The following TCERG1L variants were observed in gnomAD, a reference collection of about 807,000 sequenced individuals.
TCERG1L encodes transcription elongation regulator 1 like, also known as transcription elongation regulator 1-like protein.
Under a neutral mutation model 56.3 loss-of-function variants are expected in TCERG1L, and 37 were observed. The observed-to-expected ratio is 0.66, with a 90% confidence interval of 0.51 to 0.87. The LOEUF (loss-of-function observed/expected upper bound fraction) is 0.87, where lower values mean the gene tolerates loss of function less well. TCERG1L is among the 40% of genes least tolerant of loss of function. The pLI, the probability that TCERG1L is intolerant of heterozygous loss-of-function variation, is 0.00. For missense variants in TCERG1L, 799 were observed against 774.2 expected (o/e 1.03, Z -0.38); for synonymous variants, 324 against 326.3 (o/e 0.99, Z 0.08).
Position 131,309,293 on chromosome 10 carries a change from A to G in TCERG1L, c.349T>C (p.Phe117Leu), listed in dbSNP as rs76277901. 5.0e-6 allele frequency: 8 copies of G among 1,592,096 alleles called. No individual in the cohort carries two copies. The South Asian group carries it at 9.1e-5, about 18-fold the overall frequency. ...CCTAGGGACGGAGAATGGCCACCAA[A>G]CAGCCACTGCAAGCCAAGCAAGAAA... ...PFPALHGQWLFGGHSPSLGLP... is the reference protein window; with the variant it reads ...PFPALHGQWLLGGHSPSLGLP... Residue 117 changes from phenylalanine (F) to leucine (L), a missense_variant, in exon 2 of 12, where the codon TTT (phenylalanine) becomes CTT (leucine). Physicochemically the swap from Phe to Leu is conservative, Grantham distance 22. Coordinates refer to ENST00000368642, the MANE Select transcript of TCERG1L (RefSeq NM_174937.4).
intron 10 of TCERG1L, among the ~76,000 whole-genome samples, chr10:131,100,448 T>C (rs2133379770): frequency 6.6e-6 from 1 of 152,352 alleles, no homozygotes; most frequent in African/African-American, 2.4e-5. Context: ...TCTGTTACTT[T>C]ATTTTATGCT....
At chr10:131,231,143 C>A (rs1047720032) in intron 4 of TCERG1L, among the ~76,000 whole-genome samples, 4 of 152,144 alleles carry the variant, frequency 2.6e-5, no homozygotes, top group African/African-American at 4.8e-5. Context: ...GAGTTCCAAG[C>A]GAGTGGGTTC....
chr10:131,246,473 G>A (rs1846038933), intron 4 of TCERG1L, among the ~76,000 whole-genome samples: 1 of 152,132 alleles, frequency 6.6e-6, no homozygotes, highest in African/African-American at 2.4e-5. Flanking sequence ...CCACATGACT[G>A]GGACAGCACA....
At chr10:131,306,528 A>G (rs752591509) in intron 3 of TCERG1L, among the ~76,000 whole-genome samples, 4 of 152,066 alleles carry the variant, frequency 2.6e-5, no homozygotes, top group Non-Finnish European at 4.4e-5. Flanking sequence ...ATATTATTTT[A>G]TTTTGTTCTT....
intron 3 of TCERG1L, among the ~76,000 whole-genome samples, chr10:131,265,696 A>G (rs1846277484): frequency 6.6e-6 from 1 of 152,264 alleles, no homozygotes; most frequent in Non-Finnish European, 1.5e-5. Context: ...GTGCAATAGT[A>G]TTATGTCTAA....
At chr10:131,223,204 G>C (rs956886198) in intron 4 of TCERG1L, among the ~76,000 whole-genome samples, 3 of 152,206 alleles carry the variant, frequency 2.0e-5, no homozygotes, top group African/African-American at 7.2e-5. Flanking sequence ...GCAGCCGCTG[G>C]ACTGTGCAGC....
chr10:131,120,154 C>CGTGTGTGTGT lies in TCERG1L; in HGVS notation c.1260-3230_1260-3221dup, dbSNP rs572752365. 2.0e-5 allele frequency among the ~76,000 whole-genome samples: 3 copies of CGTGTGTGTGT among 151,324 alleles called. No homozygotes were observed. In the East Asian group the frequency reaches 5.8e-4, roughly 29 times the overall value. On this transcript the variant is annotated intron_variant, in intron 8 of 11. Coordinates refer to ENST00000368642, the MANE Select transcript of TCERG1L (RefSeq NM_174937.4). ...CTTGCCAATCGATCTGTTAATGATT[C>CGTGTGTGTGT]GTGTGTGTGTGTGTGTGAGCTTGTG...
At chr10:131,194,113 TG>T (rs1366334414) in intron 4 of TCERG1L, among the ~76,000 whole-genome samples, 1 of 152,366 alleles carries the variant, frequency 6.6e-6, no homozygotes, top group African/African-American at 2.4e-5. Flanking sequence ...CCACACGGCA[TG>T]GAGCTTTGAC....
At chr10:131,242,963 C>T (rs187991829) in intron 4 of TCERG1L, among the ~76,000 whole-genome samples, 3 of 152,182 alleles carry the variant, frequency 2.0e-5, no homozygotes, top group Admixed American at 6.5e-5. Flanking sequence ...GAAATAGGGA[C>T]GTCAATCTCC....
intron 4 of TCERG1L, among the ~76,000 whole-genome samples, chr10:131,172,632 T>C (rs1846106229): frequency 6.6e-6 from 1 of 152,208 alleles, no homozygotes; most frequent in African/African-American, 2.4e-5. Flanking sequence ...GAGCAGACCC[T>C]GAGACCAGCT....
intron 9 of TCERG1L, among the ~76,000 whole-genome samples, chr10:131,109,959 C>T (rs565140816): frequency 5.3e-5 from 8 of 152,364 alleles, no homozygotes; most frequent in South Asian, 4.1e-4. Context: ...AAATGGACAT[C>T]GCCCAAGCAT....
At chr10:131,236,311 T>G (rs189869743) in intron 4 of TCERG1L, among the ~76,000 whole-genome samples, 1 of 152,156 alleles carries the variant, frequency 6.6e-6, no homozygotes, top group African/African-American at 2.4e-5. Context: ...TATTGCTACC[T>G]TTTTTTCCCC....
chr10:131,101,653 T>G (rs1845305225), intron 10 of TCERG1L, among the ~76,000 whole-genome samples: 1 of 152,142 alleles, frequency 6.6e-6, no homozygotes, highest in African/African-American at 2.4e-5. Flanking sequence ...CCTCCAGTGA[T>G]TCTGTCACAT....
chr10:131,311,536 G>A lies in TCERG1L; in HGVS notation c.100C>T (p.Pro34Ser). Residue 34 changes from proline to serine, a missense_variant, in exon 1 of 12, where the codon CCG (proline) becomes TCG (serine). Pro to Ser is a moderately conservative substitution (Grantham distance 74). Transcript: ENST00000368642. This position sits in a 1 kb window ranked among gnomAD's most constrained non-coding sequence, Gnocchi z 4.0. ...PLLWPMDAEP[P>S]PPPPWVWMVP... Reference sequence around the variant, plus strand: ...ATCCAGACCCAGGGCGGCGGCGGCGGCGGCTCTGCGTCCATCGGCCAGAGG... The same window carrying A: ...ATCCAGACCCAGGGCGGCGGCGGCGACGGCTCTGCGTCCATCGGCCAGAGG... 2.5e-6 allele frequency: 3 copies of A among 1,196,604 alleles called. No individual in the cohort carries two copies. Among genetic ancestry groups the A allele is most frequent in the Non-Finnish European group, 3.1e-6 (3 of 963,532 alleles). 74.1% of individuals were successfully genotyped at this position (1,196,604 alleles called of 1,614,324 possible).
chr10:131,094,501 T>C (rs1845220954), intron 11 of TCERG1L, among the ~76,000 whole-genome samples: 1 of 152,244 alleles, frequency 6.6e-6, no homozygotes, highest in African/African-American at 2.4e-5. Flanking sequence ...AGCAGACTCA[T>C]GCTCATTTCT....
Position 131,292,877 on chromosome 10 carries a change from G to A in TCERG1L, c.670+15334C>T, listed in dbSNP as rs564277731. On this transcript the variant is annotated intron_variant, in intron 3 of 11. Transcript: ENST00000368642. The stretch of plus-strand genomic sequence containing the variant: ...TGGGATTTTTTTTTTTTTTGAGACA[G>A]AATCTTGCTGTTGTCCAGACTGCAT... Among the ~76,000 whole-genome samples, 499 of 147,188 alleles carry A rather than the reference G, an allele frequency of 3.4e-3. 5 individuals are homozygous for A. Among genetic ancestry groups the A allele is most frequent in the African/African-American group, 0.012 (483 of 40,184 alleles).
chr10:131,102,134 T>A (rs964120878), intron 10 of TCERG1L, among the ~76,000 whole-genome samples: 1 of 152,252 alleles, frequency 6.6e-6, no homozygotes, highest in African/African-American at 2.4e-5. Flanking sequence ...TATTGTAGCA[T>A]TTTTTGAGGC....
At position 131,146,668 on chromosome 10, in the gene TCERG1L, A is replaced by G; in HGVS notation, c.1035-8T>C. On this transcript the variant is annotated splice_polypyrimidine_tract_variant and splice_region_variant and intron_variant, in intron 6 of 11. Coordinates refer to ENST00000368642, the MANE Select transcript of TCERG1L (RefSeq NM_174937.4). ...CCCGTCCAGACCACACACCTGTTTG[A>G]GTGGAAAAACTCATCTCAGTCGCTC... 1.9e-6 allele frequency: 3 copies of G among 1,606,710 alleles called. No individual in the cohort carries two copies. Among genetic ancestry groups the G allele is most frequent in the South Asian group, 1.1e-5 (1 of 90,306 alleles).
Position 131,262,829 on chromosome 10 carries a change from C to T in TCERG1L, c.671-2385G>A, listed in dbSNP as rs373484994. Among the ~76,000 whole-genome samples, 24 of 152,230 alleles carry T rather than the reference C, an allele frequency of 1.6e-4. No homozygotes were observed. In the East Asian group the frequency reaches 3.9e-3, roughly 25 times the overall value. Reference sequence around the variant, plus strand: ...CTCCCCTGGCCTCCGCCTGTTCATCCCTCCCTCCCCCTAGCCCCTGGCAGC... The same window carrying T: ...CTCCCCTGGCCTCCGCCTGTTCATCTCTCCCTCCCCCTAGCCCCTGGCAGC... On this transcript the variant is annotated intron_variant, in intron 3 of 11. Transcript: ENST00000368642.
Sources: allele counts gnomAD v4.1 joint callset (sites outside exome capture counted in the v4.1 genomes callset), GRCh38; gene constraint gnomAD v4.1.1; non-coding constraint Gnocchi (gnomAD v3.1); transcripts MANE v1.5; gene names NCBI Gene and HGNC (gene_info 2026-07-23, HGNC 2026-07-21).